TENM2: variants seen among roughly 807,000 people sequenced by gnomAD.
TENM2 encodes teneurin transmembrane protein 2, also known as teneurin-2.
A neutral mutation model predicts 245.2 loss-of-function variants in TENM2; 52 were observed. The observed-to-expected ratio is 0.21, with a 90% CI of 0.17 to 0.27. The LOEUF (loss-of-function observed/expected upper bound fraction) is 0.27. Ranked by LOEUF, TENM2 falls within the 10% of genes least tolerant of loss-of-function variation. The pLI is 1.00. For missense variants in TENM2, 3,046 were observed against 3,666.8 expected, an observed-to-expected ratio of 0.83 and a Z score of 4.37; for synonymous variants, 1,363 against 1,438.9, an observed-to-expected ratio of 0.95 and a Z score of 1.19.
At chr5:168,152,957 G>A (rs1005663725) in intron 12 of TENM2, among the ~76,000 whole-genome samples, 5 of 152,174 alleles carry the variant, frequency 3.3e-5, no homozygotes, top group African/African-American at 1.2e-4. Flanking sequence ...CTTGGGGTGT[G>A]GCCTGTGGGA....
intron 13 of TENM2, among the ~76,000 whole-genome samples, chr5:168,180,555 T>C (rs545011644): frequency 6.6e-6 from 1 of 152,330 alleles, no homozygotes; most frequent in South Asian, 2.1e-4. Flanking sequence ...AACAGAGGTC[T>C]CAAGCTTTAG....
chr5:167,725,593 C>T (rs1294989281), intron 2 of TENM2, among the ~76,000 whole-genome samples: 2 of 152,138 alleles, frequency 1.3e-5, no homozygotes, highest in African/African-American at 4.8e-5. Flanking sequence ...CACACTCCCT[C>T]CCTCCCTGTT....
chr5:168,077,482 G>T (rs535761572), intron 7 of TENM2, among the ~76,000 whole-genome samples: 76 of 151,806 alleles, frequency 5.0e-4, no homozygotes, highest in African/African-American at 1.8e-3. Context: ...CAAAGTGCAG[G>T]TTTGTTACAT....
intron 2 of TENM2, among the ~76,000 whole-genome samples, chr5:167,413,541 CT>C (rs1763015123): frequency 6.6e-6 from 1 of 152,102 alleles, no homozygotes; most frequent in South Asian, 2.1e-4. Flanking sequence ...TGAACCATGC[CT>C]TTAAGGCTCA....
At chr5:167,197,539 A>G in the TENM2 span, among the ~76,000 whole-genome samples, 1 of 152,012 alleles carries the variant, frequency 6.6e-6, no homozygotes, top group Non-Finnish European at 1.5e-5. Context: ...ATTATTTGTG[A>G]TCAAAATCTG....
At chr5:167,502,651 T>C (rs2127558446) in intron 2 of TENM2, among the ~76,000 whole-genome samples, 1 of 152,332 alleles carries the variant, frequency 6.6e-6, no homozygotes, top group Non-Finnish European at 1.5e-5. Context: ...CTCTTCTTTC[T>C]AAGGTGTCTA....
chr5:167,974,570 A>G (rs919422184), intron 4 of TENM2, among the ~76,000 whole-genome samples: 1 of 152,234 alleles, frequency 6.6e-6, no homozygotes, highest in Non-Finnish European at 1.5e-5. Context: ...GATCCACTCA[A>G]TGTCAGGTGT....
At chr5:167,522,895 A>G (rs1770859786) in intron 2 of TENM2, among the ~76,000 whole-genome samples, 1 of 152,138 alleles carries the variant, frequency 6.6e-6, no homozygotes, top group South Asian at 2.1e-4. Context: ...GGGCTGCCGT[A>G]ATGAATTATC....
intron 2 of TENM2, among the ~76,000 whole-genome samples, chr5:167,612,488 A>G (rs189751481): frequency 6.6e-6 from 1 of 152,250 alleles, no homozygotes; most frequent in East Asian, 1.9e-4. Flanking sequence ...CCATGGCTAC[A>G]TACCCAATCA....
At chr5:167,783,038 G>A (rs1764303565) in intron 2 of TENM2, among the ~76,000 whole-genome samples, 1 of 152,142 alleles carries the variant, frequency 6.6e-6, no homozygotes, top group Non-Finnish European at 1.5e-5. Flanking sequence ...CTGGCAACTT[G>A]CTGCTTCTGC....
chr5:168,144,967 A>G (rs893300133), intron 12 of TENM2, among the ~76,000 whole-genome samples: 17 of 151,706 alleles, frequency 1.1e-4, no homozygotes, highest in African/African-American at 4.1e-4. Flanking sequence ...TTTTGGCTGC[A>G]TAAATGTCTT....
chr5:167,354,199 C>G (rs1007051421), intron 1 of TENM2, among the ~76,000 whole-genome samples: 1 of 152,200 alleles, frequency 6.6e-6, no homozygotes, highest in Non-Finnish European at 1.5e-5. Context: ...GCCAAGTCAA[C>G]AAGTCAGTGT....
intron 13 of TENM2, among the ~76,000 whole-genome samples, chr5:168,175,918 C>T (rs1014212713): frequency 5.3e-5 from 8 of 152,158 alleles, no homozygotes; most frequent in Admixed American, 3.3e-4. Flanking sequence ...AGCCCTTTGA[C>T]GAGCAACACT....
At chr5:167,082,957 CATT>C in the TENM2 span, among the ~76,000 whole-genome samples, 4 of 151,158 alleles carry the variant, frequency 2.6e-5, no homozygotes, top group Non-Finnish European at 5.9e-5. Context: ...TGTTGGTGGC[CATT>C]GGGAAGGCAA....
intron 5 of TENM2, among the ~76,000 whole-genome samples, chr5:168,045,780 C>T (rs1359788703): frequency 6.6e-6 from 1 of 152,160 alleles, no homozygotes; most frequent in Non-Finnish European, 1.5e-5. Flanking sequence ...AATTACAAAT[C>T]AGAAGCTATC....
the TENM2 span, among the ~76,000 whole-genome samples, chr5:167,172,107 G>T: frequency 6.6e-6 from 1 of 152,116 alleles, no homozygotes; most frequent in Non-Finnish European, 1.5e-5. Flanking sequence ...CCAAACAGCA[G>T]GAGTGGTGTT....
chr5:167,601,453 A>G (rs140068687), intron 2 of TENM2, among the ~76,000 whole-genome samples: 64 of 152,346 alleles, frequency 4.2e-4, no homozygotes, highest in African/African-American at 1.4e-3. Context: ...CCTTGCATAT[A>G]TTTTACACCT....
intron 2 of TENM2, among the ~76,000 whole-genome samples, chr5:167,630,617 A>G (rs1006686107): frequency 3.9e-5 from 6 of 152,170 alleles, no homozygotes; most frequent in Non-Finnish European, 8.8e-5. Flanking sequence ...TGGGCAATAT[A>G]TGGTGATTTT....
At chr5:167,411,687 T>C (rs1417411683) in intron 2 of TENM2, among the ~76,000 whole-genome samples, 1 of 151,550 alleles carries the variant, frequency 6.6e-6, no homozygotes, top group Admixed American at 6.6e-5. Flanking sequence ...TTCCAGGAGA[T>C]TGGATGAAGT....
Sources: allele counts gnomAD v4.1 joint callset (sites outside exome capture counted in the v4.1 genomes callset), GRCh38; gene constraint gnomAD v4.1.1; transcripts MANE v1.5; gene names NCBI Gene and HGNC (gene_info 2026-07-23, HGNC 2026-07-21).